ADAM23: variants seen among roughly 807,000 people sequenced by gnomAD.
ADAM23 encodes ADAM metallopeptidase domain 23.
Under a neutral mutation model 120.1 loss-of-function variants are expected in ADAM23, and 33 were observed. The observed-to-expected ratio is 0.27, with a 90% confidence interval of 0.21 to 0.37. The LOEUF (loss-of-function observed/expected upper bound fraction) is 0.37. ADAM23 is among the 10% of genes least tolerant of loss of function. The pLI is 1.00. For missense variants in ADAM23, 862 were observed against 1,058.2 expected (o/e 0.81, Z 2.57); for synonymous variants, 367 against 375.2 (o/e 0.98, Z 0.25).
intron 24 of ADAM23, among the ~76,000 whole-genome samples, chr2:206,602,782 A>G (rs1369114173): frequency 6.6e-6 from 1 of 152,232 alleles, no homozygotes; most frequent in African/African-American, 2.4e-5. Context: ...GAAAATTTAT[A>G]GTTTTTGATA....
At position 206,561,007 on chromosome 2, in the gene ADAM23, T is replaced by C. The variant is rs1322208848; in HGVS notation, c.1170-121T>C. 3 of 716,744 alleles carry C rather than the reference T, an allele frequency of 4.2e-6. No homozygotes were observed. The African/African-American group carries it at 5.4e-5, about 13-fold the overall frequency. The allele number at this position is 716,744 out of a possible 1,614,324, so 44.4% of individuals were successfully genotyped here. A position where few individuals can be genotyped will look rare whatever the true frequency, so the allele number is the denominator to read the frequency against. On this transcript the variant is annotated intron_variant, in intron 11 of 25. Coordinates refer to ENST00000264377, the MANE Select transcript of ADAM23 (RefSeq NM_003812.4). Reference sequence around the variant, plus strand: ...ATTTTAAGGTAGTTGAAATAAAGTTTTTGATTTCTTGGAGGAGGATGGTTT... The same window carrying C: ...ATTTTAAGGTAGTTGAAATAAAGTTCTTGATTTCTTGGAGGAGGATGGTTT...
At chr2:206,598,272 T>G (rs1260468186) in intron 24 of ADAM23, among the ~76,000 whole-genome samples, 1 of 152,192 alleles carries the variant, frequency 6.6e-6, no homozygotes, top group Non-Finnish European at 1.5e-5. Context: ...CCTCAACGGA[T>G]GAGCAGAGCT....
chr2:206,494,561 G>T (rs1696199331), intron 3 of ADAM23, among the ~76,000 whole-genome samples: 1 of 152,148 alleles, frequency 6.6e-6, no homozygotes, highest in African/African-American at 2.4e-5. Flanking sequence ...TAATTTGAGG[G>T]TGAGTAGTTC....
chr2:206,577,839 C>T (rs1181414097), intron 18 of ADAM23, among the ~76,000 whole-genome samples: 1 of 151,720 alleles, frequency 6.6e-6, no homozygotes, highest in Admixed American at 6.6e-5. Flanking sequence ...AATCACCACA[C>T]TGACTTCCAC....
intron 6 of ADAM23, among the ~76,000 whole-genome samples, chr2:206,544,048 A>G (rs1184698559): frequency 2.6e-5 from 4 of 152,184 alleles, no homozygotes; most frequent in Admixed American, 1.3e-4. Flanking sequence ...GGGTGCACCT[A>G]AATCTCAGAA....
chr2:206,499,586 A>C (rs1354461208), intron 3 of ADAM23, among the ~76,000 whole-genome samples: 1 of 152,078 alleles, frequency 6.6e-6, no homozygotes, highest in Non-Finnish European at 1.5e-5. Context: ...ACATGTATAC[A>C]TATGTAACAA....
intron 15 of ADAM23, among the ~76,000 whole-genome samples, chr2:206,570,047 C>G (rs1040033483): frequency 1.3e-5 from 2 of 152,184 alleles, no homozygotes; most frequent in African/African-American, 4.8e-5. Context: ...CATAAACAGT[C>G]AACTACCTTT....
chr2:206,569,559 C>T (rs1359009117), intron 15 of ADAM23, among the ~76,000 whole-genome samples: 3 of 152,050 alleles, frequency 2.0e-5, no homozygotes, highest in Admixed American at 6.5e-5. Context: ...ATGTTTTCCA[C>T]ACTGTTGGAG....
At chr2:206,552,404 A>G (rs1223575677) in intron 9 of ADAM23, among the ~76,000 whole-genome samples, 2 of 152,188 alleles carry the variant, frequency 1.3e-5, no homozygotes, top group Non-Finnish European at 2.9e-5. Flanking sequence ...TTACAATTAA[A>G]CAGTTATAGT....
At chr2:206,536,160 C>T (rs532109733) in intron 4 of ADAM23, among the ~76,000 whole-genome samples, 5 of 152,130 alleles carry the variant, frequency 3.3e-5, no homozygotes, top group Non-Finnish European at 5.9e-5. Context: ...TTTAGGTCTA[C>T]CCATATTTGG....
intron 21 of ADAM23, among the ~76,000 whole-genome samples, chr2:206,589,912 G>A (rs986030819): frequency 4.6e-5 from 7 of 151,932 alleles, no homozygotes; most frequent in Middle Eastern, 6.8e-3. Context: ...ATATTTTTGC[G>A]ACCAACGTGA....
intron 2 of ADAM23, among the ~76,000 whole-genome samples, chr2:206,471,112 A>G (rs1405884351): frequency 6.6e-6 from 1 of 152,188 alleles, no homozygotes; most frequent in Non-Finnish European, 1.5e-5. Flanking sequence ...AGGAGAAGAG[A>G]GCTCTGGCCT....
At chr2:206,541,164 T>C (rs1697283816) in intron 4 of ADAM23, among the ~76,000 whole-genome samples, 1 of 150,384 alleles carries the variant, frequency 6.6e-6, no homozygotes, top group African/African-American at 2.4e-5. Flanking sequence ...AGACCCCGTC[T>C]CCAAGAAAAA....
chr2:206,453,429 G>A, intron 2 of ADAM23, among the ~76,000 whole-genome samples: 1 of 152,176 alleles, frequency 6.6e-6, no homozygotes, highest in East Asian at 1.9e-4. Context: ...TTTCAAGAAT[G>A]TATACAATTA....
At chr2:206,476,779 A>G (rs909475284) in intron 2 of ADAM23, among the ~76,000 whole-genome samples, 2 of 152,128 alleles carry the variant, frequency 1.3e-5, no homozygotes, top group Non-Finnish European at 2.9e-5. Context: ...AAGTTGCTCA[A>G]TTTCTACTAA....
intron 2 of ADAM23, among the ~76,000 whole-genome samples, chr2:206,472,572 C>T (rs1324636360): frequency 2.0e-5 from 3 of 150,116 alleles, no homozygotes; most frequent in African/African-American, 7.4e-5. Context: ...GATCATGTCA[C>T]TGTGCTCCAG....
intron 3 of ADAM23, among the ~76,000 whole-genome samples, chr2:206,493,382 A>AT (rs1696171333): frequency 6.6e-6 from 1 of 151,828 alleles, no homozygotes; most frequent in African/African-American, 2.4e-5. Context: ...TTATTTATTT[A>AT]TTTTTTTGAG....
intron 4 of ADAM23, among the ~76,000 whole-genome samples, chr2:206,531,499 C>T (rs1697062077): frequency 6.6e-6 from 1 of 152,170 alleles, no homozygotes; most frequent in Non-Finnish European, 1.5e-5. Context: ...TATGAGGGTA[C>T]TTGGGTATCT....
At chr2:206,593,359 ATTG>A (rs1418190702) in intron 22 of ADAM23, among the ~76,000 whole-genome samples, 6 of 152,146 alleles carry the variant, frequency 3.9e-5, no homozygotes, top group Non-Finnish European at 7.3e-5. Context: ...ACTCAATGGT[ATTG>A]TTGTTGCTCA....
Sources: gnomAD v4.1 joint callset for allele counts (sites outside exome capture counted in the v4.1 genomes callset) on GRCh38, gnomAD v4.1.1 for gene constraint, MANE v1.5 for transcripts, NCBI Gene and HGNC (gene_info 2026-07-23, HGNC 2026-07-21) for gene names.